Variants in FBH1 observed in about 807,000 individuals in gnomAD.
FBH1 encodes the protein DNA 3'-5' helicase 1.
FBH1 carries 43 observed loss-of-function variants against 115.5 expected under a neutral mutation model. That is an observed-to-expected ratio of 0.37 (90% confidence interval 0.29 to 0.48). The LOEUF (loss-of-function observed/expected upper bound fraction) is 0.48. FBH1 is among the 20% of genes least tolerant of loss of function. The pLI is 0.99. For missense variants in FBH1, 1,001 were observed against 1,337.3 expected (o/e 0.75, Z 3.92); for synonymous variants, 524 against 507.8 (o/e 1.03, Z -0.43).
intron 1 of FBH1, among the ~76,000 whole-genome samples, chr10:5,893,172 G>A (rs768099614): frequency 5.9e-5 from 9 of 152,226 alleles, no homozygotes; most frequent in Middle Eastern, 3.4e-3. Context: ...TGGCTGTGGC[G>A]GTGTGCACCT....
rs149880430 is a variant in FBH1 at position 5,915,568 on chromosome 10, G to A, written c.1562G>A (p.Arg521Gln). 149 of 1,614,058 alleles carry A rather than the reference G, an allele frequency of 9.2e-5. No homozygotes were observed. The South Asian group carries it at 9.4e-4, about 10-fold the overall frequency. Residue 521 changes from arginine (R) to glutamine (Q), a missense_variant, in exon 9 of 21, where the codon CGG (arginine) becomes CAG (glutamine). Transcript: ENST00000362091. The surrounding 1 kb of genome is among the most constrained non-coding windows in gnomAD (Gnocchi z 5.2). ...TCCATGGCCTACGGGCACATAGGGC[G>A]GAAGTGAGTACTGCTGTCACTAGTG... ...FHSMAYGHIG[R>Q]KYQSKKKLNL...
Position 5,937,078 on chromosome 10 carries a change from C to T in FBH1, c.2962-32C>T, listed in dbSNP as rs1202933781. ...GAAAATCCATGTTCTTTGGTTGTTC[C>T]CCTTAGCTCTCTCTCTTGTCCATCA... is the stretch of plus-strand genomic sequence containing the variant. On this transcript the variant is annotated intron_variant, in intron 20 of 20. Transcript: ENST00000362091. The T allele has an allele frequency of 2.6e-6, 4 of 1,550,230 alleles. No individual in the cohort carries two copies. The African/African-American group carries it at 4.1e-5, about 16-fold the overall frequency.
rs148438275 is a variant in FBH1 at position 5,911,435 on chromosome 10, G to A, written c.1211+307G>A. Among the ~76,000 whole-genome samples the A allele has an allele frequency of 1.9e-3, 285 of 152,264 alleles. 2 individuals carry two copies. The highest frequency in any genetic ancestry group is 6.4e-3 in the African/African-American group (264 of 41,552). On this transcript the variant is annotated intron_variant, in intron 6 of 20. Coordinates refer to ENST00000362091, the MANE Select transcript of FBH1 (RefSeq NM_178150.3). The surrounding 1 kb of genome is among the most constrained non-coding windows in gnomAD (Gnocchi z 5.4). The stretch of plus-strand genomic sequence containing the variant: ...CAAGAGAAGCCTTTCTTATTCACCC[G>A]TGGCCTCGCTTCCCTAGGAAAATGT...
chr10:5,915,484 G>A lies in FBH1; in HGVS notation c.1478G>A (p.Ser493Asn), dbSNP rs780654127. ...SRFLYVTFNK[S>N]IAKQAERVFP... ...TTTCTGTATGTGACATTCAACAAGAGCATCGCAAAGCAGGCCGAACGCGTC... is the reference window on the plus strand; with the variant it reads ...TTTCTGTATGTGACATTCAACAAGAACATCGCAAAGCAGGCCGAACGCGTC... Residue 493 changes from serine to asparagine, a missense_variant, in exon 9 of 21, where the codon AGC (serine) becomes AAC (asparagine). Physicochemically the swap from Ser to Asn is conservative, Grantham distance 46. Transcript: ENST00000362091. The surrounding 1 kb of genome is among the most constrained non-coding windows in gnomAD (Gnocchi z 5.2). 2.5e-6 allele frequency: 4 copies of A among 1,614,240 alleles called. No individual in the cohort carries two copies. The South Asian group carries it at 4.4e-5, about 18-fold the overall frequency.
chr10:5,937,209 C>T lies in FBH1; in HGVS notation c.3061C>T (p.Arg1021Cys), dbSNP rs764714926. The change falls in exon 21 of 21, where the codon CGC becomes TGC. Residue 1021 changes from arginine to cysteine, a missense_variant. Transcript: ENST00000362091. The part of the protein sequence containing the change: ...AFLTASPEQV[R>C]AMERTVENIV... ...CCTGACAGCCTCCCCGGAGCAGGTG[C>T]GCGCCATGGAGCGCACTGTGGAGAA... 3.3e-5 allele frequency: 53 copies of T among 1,613,848 alleles called. No homozygotes were observed. The highest frequency in any genetic ancestry group is 1.7e-4 in the Admixed American group (10 of 59,990).
intron 1 of FBH1, among the ~76,000 whole-genome samples, chr10:5,899,010 A>C (rs1206163202): frequency 1.3e-5 from 2 of 152,218 alleles, no homozygotes; most frequent in African/African-American, 4.8e-5. Flanking sequence ...CATACTTCAC[A>C]AAAAACGTTC....
chr10:5,923,422 G>C lies in FBH1; in HGVS notation c.2323-199G>C, dbSNP rs1832428049. The C allele has an allele frequency of 5.5e-6, 3 of 546,064 alleles. No homozygotes were observed. The highest frequency in any genetic ancestry group is 6.3e-5 in the Admixed American group (2 of 31,732). The allele number at this position is 546,064 out of a possible 1,614,324, so 33.8% of individuals were successfully genotyped here. ...CTGTGAGTGTTCAGGCCACGTGGCA[G>C]CCTTGCGCTTTCTGCTTCATGAAGT... On this transcript the variant is annotated intron_variant, in intron 15 of 20. Transcript: ENST00000362091. This position sits in a 1 kb window ranked among gnomAD's most constrained non-coding sequence, Gnocchi z 5.7.
Position 5,900,494 on chromosome 10 carries a change from C to T in FBH1, c.2-2526C>T, listed in dbSNP as rs1843281174. Among the ~76,000 whole-genome samples, 1 of 152,214 alleles carries T rather than the reference C, an allele frequency of 6.6e-6. No individual in the cohort carries two copies. Among genetic ancestry groups the T allele is most frequent in the Admixed American group, 6.5e-5 (1 of 15,278 alleles). On this transcript the variant is annotated intron_variant, in intron 1 of 20. Coordinates refer to ENST00000362091, the MANE Select transcript of FBH1 (RefSeq NM_178150.3). The surrounding 1 kb of genome is among the most constrained non-coding windows in gnomAD (Gnocchi z 4.2). ...CGCTGTGCTGCTTCGTGAGAGTGAG[C>T]GCATCTGTGATTGCTGAGGCCTGGC... is the stretch of plus-strand genomic sequence containing the variant.
Position 5,937,347 on chromosome 10 carries a change from G to GA in FBH1, c.*68dup. 3.5e-6 allele frequency: 5 copies of GA among 1,415,916 alleles called. No individual in the cohort carries two copies. Among genetic ancestry groups the GA allele is most frequent in the Non-Finnish European group, 4.6e-6 (5 of 1,075,492 alleles). 87.7% of individuals were successfully genotyped at this position (1,415,916 alleles called of 1,614,324 possible). ...AGGACCCCGCGTGAAGAAAGCCAGC[G>GA]AGGGGGGCTTCTGCTCCCTGAGACT... is the stretch of plus-strand genomic sequence containing the variant. On this transcript the variant is annotated 3_prime_UTR_variant, in exon 21 of 21. Transcript: ENST00000362091.
intron 19 of FBH1, among the ~76,000 whole-genome samples, chr10:5,934,015 G>A (rs551447439): frequency 2.0e-5 from 3 of 152,214 alleles, no homozygotes; most frequent in African/African-American, 4.8e-5. Context: ...CAGAAGTGTC[G>A]AGTCCAGTCT....
At position 5,936,395 on chromosome 10, in the gene FBH1, T is replaced by A. The variant is rs1833355901; in HGVS notation, c.2830-61T>A. On this transcript the variant is annotated intron_variant, in intron 19 of 20. Coordinates refer to ENST00000362091, the MANE Select transcript of FBH1 (RefSeq NM_178150.3). This position sits in a 1 kb window ranked among gnomAD's most constrained non-coding sequence, Gnocchi z 5.6. ...TCTCACAGAGCCGCCGCTATCAGTG[T>A]TTCCAGTAGACCCTAACGGAGGTGT... 1.3e-6 allele frequency: 2 copies of A among 1,588,992 alleles called. No individual in the cohort carries two copies. The highest frequency in any genetic ancestry group is 1.7e-6 in the Non-Finnish European group (2 of 1,164,478).
At position 5,923,592 on chromosome 10, in the gene FBH1, A is replaced by G. The variant is rs1367806927; in HGVS notation, c.2323-29A>G. On this transcript the variant is annotated intron_variant, in intron 15 of 20. Transcript: ENST00000362091. The surrounding 1 kb of genome is among the most constrained non-coding windows in gnomAD (Gnocchi z 5.7). ...AAACAAAACAAAAAACAACAAAAAA[A>G]CAAAAATCCCACCAAAAAACTTTTT... is the stretch of plus-strand genomic sequence containing the variant. The G allele has an allele frequency of 2.5e-6, 4 of 1,588,754 alleles. No homozygotes were observed. Among genetic ancestry groups the G allele is most frequent in the Non-Finnish European group, 2.6e-6 (3 of 1,163,988 alleles).
intron 1 of FBH1, among the ~76,000 whole-genome samples, chr10:5,901,495 C>T (rs1398442525): frequency 2.6e-5 from 4 of 151,596 alleles, no homozygotes; most frequent in African/African-American, 4.9e-5. Flanking sequence ...AAATATGATA[C>T]TGGTAGAACC....
intron 1 of FBH1, among the ~76,000 whole-genome samples, chr10:5,894,795 G>A (rs980714260): frequency 6.6e-6 from 1 of 152,106 alleles, no homozygotes; most frequent in Non-Finnish European, 1.5e-5. Context: ...TTTTAGTCTG[G>A]GATGGAAGAC....
Position 5,913,921 on chromosome 10 carries a change from CT to C in FBH1, c.1304+85del. 1.8e-6 allele frequency: 2 copies of C among 1,103,130 alleles called. No individual in the cohort carries two copies. Among genetic ancestry groups the C allele is most frequent in the East Asian group, 2.4e-5 (1 of 42,002 alleles). The allele number at this position is 1,103,130 out of a possible 1,614,324, so 68.3% of individuals were successfully genotyped here. On this transcript the variant is annotated intron_variant, in intron 7 of 20. Coordinates refer to ENST00000362091, the MANE Select transcript of FBH1 (RefSeq NM_178150.3). This position sits in a 1 kb window ranked among gnomAD's most constrained non-coding sequence, Gnocchi z 4.4. ...TTAAGGAGGGAGATGTTTTGCTTCACTTTAGCAACATCATTGAGGTTAATAA... is the reference window on the plus strand; with the variant it reads ...TTAAGGAGGGAGATGTTTTGCTTCACTTAGCAACATCATTGAGGTTAATAA...
At chr10:5,927,348 G>A in intron 18 of FBH1, 87 bp from the exon 19 acceptor site, 1 of 915,838 alleles carries the variant, frequency 1.1e-6, no homozygotes, top group Non-Finnish European at 1.7e-6. Flanking sequence ...AATGGGTGGG[G>A]GCTAGTAAAC....
At chr10:5,907,973 G>GTA (rs1280128932) in intron 3 of FBH1, among the ~76,000 whole-genome samples, 1 of 152,202 alleles carries the variant, frequency 6.6e-6, no homozygotes, top group Non-Finnish European at 1.5e-5. Context: ...TGAGAGGAAT[G>GTA]TATATTTTGC....
At chr10:5,927,564 G>A in intron 19 of FBH1, 23 bp downstream of exon 19, 1 of 1,570,536 alleles carries the variant, frequency 6.4e-7, no homozygotes, top group Non-Finnish European at 8.7e-7. Context: ...GGCAGCATGA[G>A]CTAACTTGAT....
In FBH1 at chr10:5,921,467, A is replaced by C. The variant is rs758564801; in HGVS notation, c.2220A>C (p.Ala740=). The part of the protein sequence containing the change: ...GNHQSGIRGD[A]KGQVALLSRT... ...CTAAAGGTGGCATTAGAGGTGACGC[A>C]AAGGGGCAAGTGGCCTTGTTGTCCC... The change falls in exon 15 of 21, where the codon GCA becomes GCC. Residue 740 remains alanine (A), a synonymous_variant. Transcript: ENST00000362091. This position sits in a 1 kb window ranked among gnomAD's most constrained non-coding sequence, Gnocchi z 6.4. 1.9e-6 allele frequency: 3 copies of C among 1,603,164 alleles called. No homozygotes were observed. Among genetic ancestry groups the C allele is most frequent in the African/African-American group, 1.4e-5 (1 of 74,018 alleles).
Sources: gnomAD v4.1 joint callset for allele counts (sites outside exome capture counted in the v4.1 genomes callset) on GRCh38, gnomAD v4.1.1 for gene constraint, Gnocchi (gnomAD v3.1) non-coding constraint, MANE v1.5 for transcripts, NCBI Gene and HGNC (gene_info 2026-07-23, HGNC 2026-07-21) for gene names.